SERGEF: variants seen among roughly 807,000 people sequenced by gnomAD.
The protein encoded by SERGEF is secretion-regulating guanine nucleotide exchange factor.
In SERGEF, 51 loss-of-function variants were observed where a neutral mutation model predicts 50.0. The observed-to-expected ratio is 1.02, with a 90% CI of 0.81 to 1.29. The LOEUF is 1.29. Ranked by LOEUF, SERGEF falls within the 50% of genes most tolerant of loss-of-function variation. The pLI is 0.00. For synonymous variants in SERGEF, 205 were observed against 212.4 expected (o/e 0.97, Z 0.30); for missense variants, 521 against 557.0 (o/e 0.94, Z 0.65).
At chr11:17,952,966 T>G (rs1852798342) in intron 9 of SERGEF, among the ~76,000 whole-genome samples, 1 of 152,172 alleles carries the variant, frequency 6.6e-6, no homozygotes, top group Non-Finnish European at 1.5e-5. Flanking sequence ...CCTCAAGTTC[T>G]TGCCAAGATT....
intron 10 of SERGEF, among the ~76,000 whole-genome samples, chr11:17,803,115 G>A (rs546999781): frequency 2.6e-5 from 4 of 152,374 alleles, no homozygotes; most frequent in Admixed American, 2.6e-4. Flanking sequence ...TCACCAATCT[G>A]AAGCAACTGC....
At position 18,000,519 on chromosome 11, in the gene SERGEF, C is replaced by T; in HGVS notation, c.486G>A (p.Leu162=). 1.3e-6 allele frequency: 2 copies of T among 1,586,720 alleles called. No individual in the cohort carries two copies. Among genetic ancestry groups the T allele is most frequent in the Admixed American group, 1.9e-5 (1 of 52,018 alleles). Residue 162 remains leucine (L), a synonymous_variant, in exon 5 of 11, where the codon CTG becomes CTA. Transcript: ENST00000265965. ...KEKVVCIAAG[L]RHAVAATASG... ...CACCTGTAGCAGCTACTGCATGCCTCAGTCCAGCAGCAATACAAACAACCT... is the reference window on the plus strand; with the variant it reads ...CACCTGTAGCAGCTACTGCATGCCTTAGTCCAGCAGCAATACAAACAACCT...
intron 4 of SERGEF, chr11:18,001,855 C>T (rs1005756477): frequency 1.8e-5 from 7 of 379,162 alleles, no homozygotes; most frequent in Admixed American, 3.3e-5. Flanking sequence ...ATCATAACCC[C>T]ATTAAGGCTT....
intron 3 of SERGEF, among the ~76,000 whole-genome samples, chr11:18,005,282 A>G (rs574947725): frequency 6.6e-6 from 1 of 152,352 alleles, no homozygotes; most frequent in East Asian, 1.9e-4. Flanking sequence ...TTAGATTCTA[A>G]TAATCACCAT....
chr11:18,001,907 C>T (rs2134009186), intron 4 of SERGEF: 2 of 445,670 alleles, frequency 4.5e-6, no homozygotes, highest in Non-Finnish European at 8.9e-6. Context: ...TCTTTCTAAA[C>T]TTTAGGACCC....
chr11:17,947,950 C>CTTTTT (rs397848456), intron 9 of SERGEF, among the ~76,000 whole-genome samples: 4 of 133,556 alleles, frequency 3.0e-5, no homozygotes, highest in African/African-American at 2.8e-5. Flanking sequence ...CTAATCCATT[C>CTTTTT]TTTTTTTTTT....
At chr11:17,912,191 G>A (rs1851968258) in intron 9 of SERGEF, among the ~76,000 whole-genome samples, 1 of 152,170 alleles carries the variant, frequency 6.6e-6, no homozygotes, top group Non-Finnish European at 1.5e-5. Context: ...GAAGGAGACA[G>A]GGGGATGACA....
chr11:17,873,222 T>C (rs1851178715), intron 10 of SERGEF, among the ~76,000 whole-genome samples: 1 of 152,152 alleles, frequency 6.6e-6, no homozygotes, highest in South Asian at 2.1e-4. Flanking sequence ...TCTTCCTACT[T>C]GTGTGACCTG....
intron 10 of SERGEF, among the ~76,000 whole-genome samples, chr11:17,794,865 G>A (rs4756919): frequency 0.86 from 131,182 of 152,208 alleles, 56,670 homozygotes; most frequent in African/African-American, 0.93. Context: ...CTATGGGAAC[G>A]CAGGAAGTAA....
At chr11:17,913,967 T>C (rs981956065) in intron 9 of SERGEF, among the ~76,000 whole-genome samples, 1 of 152,220 alleles carries the variant, frequency 6.6e-6, no homozygotes, top group African/African-American at 2.4e-5. Context: ...TTAATAACCA[T>C]TCACAATTCT....
chr11:17,942,709 AT>A (rs922180266), intron 9 of SERGEF, among the ~76,000 whole-genome samples: 19 of 152,246 alleles, frequency 1.2e-4, no homozygotes, highest in African/African-American at 4.3e-4. Context: ...AATACATTAA[AT>A]TTTTCACCAT....
At chr11:17,979,238 T>TG (rs1370423817) in intron 8 of SERGEF, among the ~76,000 whole-genome samples, 4 of 152,028 alleles carry the variant, frequency 2.6e-5, no homozygotes, top group African/African-American at 9.7e-5. Context: ...TGTTTGAAGG[T>TG]GGGGAAAAAA....
At chr11:17,952,544 A>T (rs998016560) in intron 9 of SERGEF, among the ~76,000 whole-genome samples, 1 of 151,874 alleles carries the variant, frequency 6.6e-6, no homozygotes. Flanking sequence ...TTACTCACTC[A>T]GTTTTCTTCC....
At chr11:17,809,135 G>A (rs1849820305) in intron 10 of SERGEF, among the ~76,000 whole-genome samples, 1 of 127,666 alleles carries the variant, frequency 7.8e-6, no homozygotes, top group African/African-American at 2.5e-5. Flanking sequence ...GAGACTTCCT[G>A]GAGGAAGAAG....
In SERGEF at chr11:18,005,572, G is replaced by A. The variant is rs545415083; in HGVS notation, c.352+1019C>T. On this transcript the variant is annotated intron_variant, in intron 3 of 10. Coordinates refer to ENST00000265965, the MANE Select transcript of SERGEF (RefSeq NM_012139.4). Reference sequence around the variant, plus strand: ...GGAGAATCCACAAGGGTTTATGACAGGAGAGTGACAGAAGATGCCCTTGCC... The same window carrying A: ...GGAGAATCCACAAGGGTTTATGACAAGAGAGTGACAGAAGATGCCCTTGCC... Among the ~76,000 whole-genome samples the A allele has an allele frequency of 4.5e-3, 682 of 152,332 alleles. 4 individuals are homozygous for A. Among genetic ancestry groups the A allele is most frequent in the Middle Eastern group, 6.8e-3 (2 of 294 alleles).
At chr11:17,938,557 C>A (rs564139849) in intron 9 of SERGEF, among the ~76,000 whole-genome samples, 8 of 152,240 alleles carry the variant, frequency 5.3e-5, no homozygotes, top group Admixed American at 3.9e-4. Context: ...GGACCCCAGA[C>A]CCCTGATATT....
At chr11:17,860,098 G>A (rs1268704063) in intron 10 of SERGEF, among the ~76,000 whole-genome samples, 4 of 152,178 alleles carry the variant, frequency 2.6e-5, no homozygotes, top group Admixed American at 2.6e-4. Context: ...AGTGGCATGT[G>A]GTGAAAGTGG....
At chr11:17,974,282 A>C (rs535187691) in intron 8 of SERGEF, among the ~76,000 whole-genome samples, 3 of 152,230 alleles carry the variant, frequency 2.0e-5, no homozygotes, top group African/African-American at 7.2e-5. Context: ...GACCTTTTGT[A>C]AAAACTTGAC....
At chr11:17,929,635 C>A (rs998494179) in intron 9 of SERGEF, among the ~76,000 whole-genome samples, 3 of 152,172 alleles carry the variant, frequency 2.0e-5, no homozygotes. Flanking sequence ...CATTATATGC[C>A]AGGCGCTGTG....
Sources: allele counts gnomAD v4.1 joint callset (sites outside exome capture counted in the v4.1 genomes callset), GRCh38; gene constraint gnomAD v4.1.1; transcripts MANE v1.5; gene names NCBI Gene and HGNC (gene_info 2026-07-23, HGNC 2026-07-21).